MYO10: variants seen among roughly 807,000 people sequenced by gnomAD.
MYO10 encodes the protein unconventional myosin-X.
Under a neutral mutation model 257.3 loss-of-function variants are expected in MYO10, and 133 were observed. The ratio of observed to expected loss-of-function variants is 0.52; its 90% CI spans 0.45 to 0.60. The LOEUF is 0.60. Among genes scored for constraint, MYO10 ranks in the 20% least tolerant of loss-of-function variants. The probability of loss-of-function intolerance (pLI) is 0.00; values close to 1 mark genes in which losing one functional copy is unlikely to be tolerated. For synonymous variants in MYO10, 1,104 were observed against 1,028.6 expected (o/e 1.07, Z -1.40); for missense variants, 2,399 against 2,635.7 (o/e 0.91, Z 1.97).
intron 1 of MYO10, among the ~76,000 whole-genome samples, chr5:16,888,746 T>TAA (rs77280334): frequency 2.1e-5 from 3 of 146,064 alleles, no homozygotes; most frequent in Admixed American, 6.8e-5. Flanking sequence ...CCCCATCTCT[T>TAA]AAAAAAAAAA....
intron 19 of MYO10, among the ~76,000 whole-genome samples, chr5:16,720,024 A>ATG (rs1232727693): frequency 3.1e-4 from 42 of 136,158 alleles, no homozygotes; most frequent in South Asian, 7.0e-4. Flanking sequence ...GTGTGTGTGT[A>ATG]TATGTATGTA....
chr5:16,670,816 T>TG lies in MYO10; in HGVS notation c.5592dup (p.Ser1865GlnfsTer11), dbSNP rs1736418206. On this transcript the variant is annotated frameshift_variant, in exon 39 of 41. Transcript: ENST00000513610. LOFTEE classifies it high-confidence loss of function. ...GGGGTGAAGGTTTTGGTTGACTGGC[T>TG]GATGCGGGCCTTGAGTCTCTGCAGG... 3 of 1,613,934 alleles carry TG rather than the reference T, an allele frequency of 1.9e-6. No homozygotes were observed. Among genetic ancestry groups the TG allele is most frequent in the African/African-American group, 1.3e-5 (1 of 74,930 alleles).
intron 19 of MYO10, among the ~76,000 whole-genome samples, chr5:16,729,597 A>G (rs1172722505): frequency 1.3e-5 from 2 of 151,788 alleles, no homozygotes; most frequent in Non-Finnish European, 2.9e-5. Flanking sequence ...GACTACAGGC[A>G]CCACACCCGG....
At chr5:16,743,156 C>T (rs965284282) in intron 19 of MYO10, among the ~76,000 whole-genome samples, 6 of 152,106 alleles carry the variant, frequency 3.9e-5, no homozygotes, top group Non-Finnish European at 5.9e-5. Flanking sequence ...GGAATGTCAA[C>T]GAGGTGCTTT....
At chr5:16,730,631 G>A (rs1490169544) in intron 19 of MYO10, among the ~76,000 whole-genome samples, 1 of 152,188 alleles carries the variant, frequency 6.6e-6, no homozygotes, top group Non-Finnish European at 1.5e-5. Context: ...GACATCACGG[G>A]GCAGTGTCAA....
At position 16,759,699 on chromosome 5, in the gene MYO10, C is replaced by A. The variant is rs531438365; in HGVS notation, c.1740-1473G>T. On this transcript the variant is annotated intron_variant, in intron 17 of 40. Coordinates refer to ENST00000513610, the MANE Select transcript of MYO10 (RefSeq NM_012334.3). ...TTTTCACTACGACAAACTGCCTCTA[C>A]TTAACATCAATACAGGGCTTTTATT... Among the ~76,000 whole-genome samples the A allele has an allele frequency of 2.6e-5, 4 of 152,318 alleles. No individual in the cohort carries two copies. The South Asian group carries it at 8.3e-4, about 32-fold the overall frequency.
intron 2 of MYO10, among the ~76,000 whole-genome samples, chr5:16,866,713 A>T (rs184869176): frequency 9.8e-5 from 15 of 152,300 alleles, no homozygotes; most frequent in Admixed American, 7.8e-4. Context: ...CAAAAAAGCA[A>T]GGGAATTATG....
Position 16,665,047 on chromosome 5 carries a change from A to G in MYO10, c.*1645T>C. 6.6e-6 allele frequency: 1 copy of G among 152,266 alleles called. No homozygotes were observed. The highest frequency in any genetic ancestry group is 1.5e-5 in the Non-Finnish European group (1 of 68,084). 9.4% of individuals were successfully genotyped at this position (152,266 alleles called of 1,614,324 possible). A position where few individuals can be genotyped will look rare whatever the true frequency, so the allele number is the denominator to read the frequency against. On this transcript the variant is annotated 3_prime_UTR_variant, in exon 41 of 41. Coordinates refer to ENST00000513610, the MANE Select transcript of MYO10 (RefSeq NM_012334.3). Reference sequence around the variant, plus strand: ...GTGAAACCCCATCTCTACTAAAAATACAAAACCTAGCCAGGCGTGGTGATG... The same window carrying G: ...GTGAAACCCCATCTCTACTAAAAATGCAAAACCTAGCCAGGCGTGGTGATG...
chr5:16,728,942 C>A (rs973945885), intron 19 of MYO10, among the ~76,000 whole-genome samples: 5 of 152,128 alleles, frequency 3.3e-5, no homozygotes, highest in Non-Finnish European at 5.9e-5. Context: ...CTTTTCTTTT[C>A]TTTTAAGCAG....
Position 16,701,099 on chromosome 5 carries a change from C to T in MYO10, c.3296G>A (p.Gly1099Asp), listed in dbSNP as rs1738029874. Residue 1099 changes from glycine (G) to aspartate (D), a missense_variant, in exon 25 of 41, where the codon GGT (glycine) becomes GAT (aspartate). Physicochemically the swap from Gly to Asp is moderately conservative, Grantham distance 94. Coordinates refer to ENST00000513610, the MANE Select transcript of MYO10 (RefSeq NM_012334.3). This position sits in a 1 kb window ranked among gnomAD's most constrained non-coding sequence, Gnocchi z 8.1. ...YDYDQDDYED[G>D]AITSGSSVTF... is the part of the protein sequence containing the mutation. ...CACGCTGCTGCCGGAAGTGATGGCA[C>T]CGTCCTCATAGTCATCCTGGTCGTA... The T allele has an allele frequency of 6.3e-7, 1 of 1,587,662 alleles. No individual in the cohort carries two copies. The highest frequency in any genetic ancestry group is 8.6e-7 in the Non-Finnish European group (1 of 1,167,588).
intron 2 of MYO10, among the ~76,000 whole-genome samples, chr5:16,838,798 A>G (rs1743387598): frequency 6.6e-6 from 1 of 152,332 alleles, no homozygotes; most frequent in Non-Finnish European, 1.5e-5. Context: ...AGTTGAAGCC[A>G]GTGCTCATTT....
intron 9 of MYO10, among the ~76,000 whole-genome samples, chr5:16,777,367 T>C (rs1741250417): frequency 6.6e-6 from 1 of 152,220 alleles, no homozygotes. Context: ...GTTTGGAATT[T>C]CATTTTCAAC....
At chr5:16,852,430 T>C (rs1270762294) in intron 2 of MYO10, among the ~76,000 whole-genome samples, 1 of 152,110 alleles carries the variant, frequency 6.6e-6, no homozygotes, top group African/African-American at 2.4e-5. Context: ...CCTAAATGCA[T>C]TCATTCAGAA....
intron 4 of MYO10, among the ~76,000 whole-genome samples, chr5:16,790,471 C>T (rs152706): frequency 0.34 from 52,093 of 152,030 alleles, 10,558 homozygotes; most frequent in Non-Finnish European, 0.45. Context: ...GTGGGAGGGA[C>T]CTGGTGGGAG....
chr5:16,862,357 C>A (rs762872273), intron 2 of MYO10, among the ~76,000 whole-genome samples: 5 of 152,150 alleles, frequency 3.3e-5, no homozygotes, highest in Non-Finnish European at 5.9e-5. Context: ...TTCCAAATAA[C>A]AGGCCTAAAA....
chr5:16,824,644 G>C (rs150223489), intron 2 of MYO10, among the ~76,000 whole-genome samples: 1 of 152,136 alleles, frequency 6.6e-6, no homozygotes, highest in Non-Finnish European at 1.5e-5. Flanking sequence ...CAAGGCAGGC[G>C]AATCACGAGG....
Position 16,681,498 on chromosome 5 carries a change from A to G in MYO10, c.4195T>C (p.Leu1399=). 6.3e-7 allele frequency: 1 copy of G among 1,598,374 alleles called. No homozygotes were observed. Among genetic ancestry groups the G allele is most frequent in the Non-Finnish European group, 8.5e-7 (1 of 1,175,468 alleles). The change falls in exon 32 of 41, where the codon TTG becomes CTG. Residue 1399 remains leucine (L), a synonymous_variant. Transcript: ENST00000513610. ...EGQEFIVRGW[L]HKEVKNSPKM... ...GGACTGTTCTTCACCTCTTTGTGCA[A>G]CCATCCTGGAAAAAAAGATTAAAGT...
Position 16,671,404 on chromosome 5 carries a change from TCTAA to T in MYO10, c.5430+14_5430+17del. ...TTGCTTGCCGGCAAAGAAATCTGTT[TCTAA>T]CTATTCCTTTTACCTGTTCAAACAT... On this transcript the variant is annotated intron_variant, in intron 38 of 40. Coordinates refer to ENST00000513610, the MANE Select transcript of MYO10 (RefSeq NM_012334.3). 1.2e-6 allele frequency: 2 copies of T among 1,613,402 alleles called. No individual in the cohort carries two copies. Among genetic ancestry groups the T allele is most frequent in the Non-Finnish European group, 1.7e-6 (2 of 1,179,594 alleles).
intron 29 of MYO10, among the ~76,000 whole-genome samples, chr5:16,685,144 C>A (rs1438930342): frequency 2.6e-5 from 4 of 152,016 alleles, no homozygotes; most frequent in Non-Finnish European, 5.9e-5. Flanking sequence ...AGGATTATTT[C>A]TTTTGTTCTT....
Sources: allele counts gnomAD v4.1 joint callset (sites outside exome capture counted in the v4.1 genomes callset), GRCh38; gene constraint gnomAD v4.1.1; non-coding constraint Gnocchi (gnomAD v3.1); transcripts MANE v1.5; gene names NCBI Gene and HGNC (gene_info 2026-07-23, HGNC 2026-07-21).